CEP41: variants seen among roughly 807,000 people sequenced by gnomAD.
CEP41 encodes the protein centrosomal protein of 41 kDa.
A neutral mutation model predicts 44.3 loss-of-function variants in CEP41; 32 were observed. The ratio of observed to expected loss-of-function variants is 0.72; its 90% CI spans 0.54 to 0.97. CEP41 has a LOEUF of 0.97. Among genes scored for constraint, CEP41 ranks in the 50% least tolerant of loss-of-function variants. The probability of loss-of-function intolerance (pLI) is 0.00; values close to 1 mark genes in which losing one functional copy is unlikely to be tolerated. For missense variants in CEP41, 432 were observed against 455.2 expected (o/e 0.95, Z 0.46); for synonymous variants, 151 against 168.5 (o/e 0.90, Z 0.80).
chr7:130,397,010 GA>G lies in CEP41; in HGVS notation c.*1880del. 2.2e-6 allele frequency: 1 copy of G among 454,458 alleles called. No homozygotes were observed. The highest frequency in any genetic ancestry group is 1.6e-5 in the South Asian group (1 of 64,436). The allele number at this position is 454,458 out of a possible 1,614,324, so 28.2% of individuals were successfully genotyped here. ...AGTCACCTTTAAAACAGCATAACCA[GA>G]ACTTTCTTACAGAGAAAAATCTTTT... is the stretch of plus-strand genomic sequence containing the variant. On this transcript the variant is annotated 3_prime_UTR_variant, in exon 11 of 11. Transcript: ENST00000223208.
Position 130,402,688 on chromosome 7 carries a change from C to T in CEP41, c.534G>A (p.Val178=), listed in dbSNP as rs759283421. The T allele has an allele frequency of 2.4e-5, 39 of 1,614,106 alleles. No homozygotes were observed. The highest frequency in any genetic ancestry group is 3.1e-5 in the Non-Finnish European group (37 of 1,179,998). The change falls in exon 7 of 11, where the codon GTG becomes GTA. Residue 178 remains valine (V), a synonymous_variant. Coordinates refer to ENST00000223208, the MANE Select transcript of CEP41 (RefSeq NM_018718.3). Reference sequence around the variant, plus strand: ...ACTGCTGGTAAGAATCTCTATCACGCACATCTAGCAGCAGGAAGGGGCAGT... The same window carrying T: ...ACTGCTGGTAAGAATCTCTATCACGTACATCTAGCAGCAGGAAGGGGCAGT... ...YPDCPFLLLD[V]RDRDSYQQCH...
chr7:130,402,791 C>T lies in CEP41; in HGVS notation c.431G>A (p.Ser144Asn), dbSNP rs145850728. ...GTCTAGATCCAGTTCCCCAACACCA[C>T]TGATGACACTGCAAGTGAAAAAGTA... ...SSRSTLQSVI[S>N]GVGELDLDKG... The change falls in exon 7 of 11, where the codon AGT becomes AAT. Residue 144 changes from serine to asparagine, a missense_variant. Coordinates refer to ENST00000223208, the MANE Select transcript of CEP41 (RefSeq NM_018718.3). The T allele has an allele frequency of 6.2e-5, 100 of 1,614,144 alleles. No homozygotes were observed. In the African/African-American group the frequency reaches 1.2e-3, roughly 19 times the overall value.
In CEP41 at chr7:130,395,374, T is replaced by G. The variant is rs1334083497; in HGVS notation, c.*3517A>C. ...GCGGTGTTTCCTGGGGAAAAAAAAG[T>G]ATCGTGGGAGTTAAATCTTTGAAAG... On this transcript the variant is annotated 3_prime_UTR_variant, in exon 11 of 11. Transcript: ENST00000223208. The G allele has an allele frequency of 1.5e-5, 7 of 452,484 alleles. No individual in the cohort carries two copies. The highest frequency in any genetic ancestry group is 3.1e-5 in the Non-Finnish European group (7 of 226,378). 28.0% of individuals were successfully genotyped at this position (452,484 alleles called of 1,614,324 possible).
intron 8 of CEP41, 131 bp from the exon 9 acceptor site, chr7:130,400,952 C>T (rs1247053343): frequency 1.1e-5 from 8 of 699,110 alleles, no homozygotes; most frequent in Admixed American, 2.0e-5. Context: ...CCATTCCTAC[C>T]GTCACACCAG....
At chr7:130,405,191 T>C (rs1367148994) in intron 5 of CEP41, among the ~76,000 whole-genome samples, 3 of 152,178 alleles carry the variant, frequency 2.0e-5, no homozygotes, top group Non-Finnish European at 4.4e-5. Context: ...TTCTGTGTGA[T>C]GAGGTGAGGA....
At position 130,397,761 on chromosome 7, in the gene CEP41, A is replaced by G. The variant is rs1796712459; in HGVS notation, c.*1130T>C. 6.7e-6 allele frequency: 3 copies of G among 449,232 alleles called. No homozygotes were observed. Among genetic ancestry groups the G allele is most frequent in the South Asian group, 4.7e-5 (3 of 63,834 alleles). 27.8% of individuals were successfully genotyped at this position (449,232 alleles called of 1,614,324 possible). A position where few individuals can be genotyped will look rare whatever the true frequency, so the allele number is the denominator to read the frequency against. ...TTACCTGAGGCCTTTTGTTCCCCCA[A>G]TTAAATGGAATGAATGTCAGTCATT... On this transcript the variant is annotated 3_prime_UTR_variant, in exon 11 of 11. Transcript: ENST00000223208.
intron 10 of CEP41, 59 bp from the exon 11 acceptor site, chr7:130,399,098 C>G: frequency 6.3e-7 from 1 of 1,597,958 alleles, no homozygotes; most frequent in Non-Finnish European, 8.5e-7. Context: ...GACAATCTGC[C>G]AAGTACAGTT....
rs55776575 is a variant in CEP41 at position 130,397,506 on chromosome 7, ATTTTTTTTTTTTTT to A, written c.*1371_*1384del. 6.6e-5 allele frequency: 20 copies of A among 303,690 alleles called. No individual in the cohort carries two copies. Among genetic ancestry groups the A allele is most frequent in the East Asian group, 4.0e-4 (4 of 10,064 alleles). The allele number at this position is 303,690 out of a possible 1,614,324, so 18.8% of individuals were successfully genotyped here. ...CCCCATGCTAGAAATACTGTGGTGC[ATTTTTTTTTTTTTT>A]TTTTTTTTTTTTTGGTGGCGAGAAA... On this transcript the variant is annotated 3_prime_UTR_variant, in exon 11 of 11. Coordinates refer to ENST00000223208, the MANE Select transcript of CEP41 (RefSeq NM_018718.3).
rs1554415056 is a variant in CEP41, at chr7:130,397,227, T to C, written c.*1664A>G. The C allele has an allele frequency of 2.2e-6, 1 of 454,540 alleles. No homozygotes were observed. The highest frequency in any genetic ancestry group is 6.9e-5 in the East Asian group (1 of 14,394). The allele number at this position is 454,540 out of a possible 1,614,324, so 28.2% of individuals were successfully genotyped here. A position where few individuals can be genotyped will look rare whatever the true frequency, so the allele number is the denominator to read the frequency against. On this transcript the variant is annotated 3_prime_UTR_variant, in exon 11 of 11. Coordinates refer to ENST00000223208, the MANE Select transcript of CEP41 (RefSeq NM_018718.3). ...TTTATGGGGAAACATGACAGGCTCC[T>C]CATTAAAGCTATGTGTACGTTGGCT...
At chr7:130,440,466 G>A in intron 1 of CEP41, 1 of 285,404 alleles carries the variant, frequency 3.5e-6, no homozygotes, top group East Asian at 9.9e-5. Context: ...AAACTGAAGG[G>A]TCCTATGGAG....
At chr7:130,434,641 A>G (rs1797910959) in intron 1 of CEP41, among the ~76,000 whole-genome samples, 1 of 152,244 alleles carries the variant, frequency 6.6e-6, no homozygotes, top group Non-Finnish European at 1.5e-5. Flanking sequence ...GGACATATTT[A>G]TCAACATAGA....
In CEP41 at chr7:130,402,676, A is replaced by C. The variant is rs1554417268; in HGVS notation, c.546T>G (p.Asp182Glu). 3.7e-6 allele frequency: 6 copies of C among 1,614,010 alleles called. No individual in the cohort carries two copies. The highest frequency in any genetic ancestry group is 5.1e-6 in the Non-Finnish European group (6 of 1,180,008). ...CAACAATGTGGCACTGCTGGTAAGA[A>C]TCTCTATCACGCACATCTAGCAGCA... is the stretch of plus-strand genomic sequence containing the variant. The part of the protein sequence containing the change: ...PFLLLDVRDR[D>E]SYQQCHIVGA... The change falls in exon 7 of 11, where the codon GAT becomes GAG. Residue 182 changes from aspartate to glutamate, a missense_variant. Asp to Glu is a conservative substitution (Grantham distance 45). Coordinates refer to ENST00000223208, the MANE Select transcript of CEP41 (RefSeq NM_018718.3).
At position 130,398,525 on chromosome 7, in the gene CEP41, G is replaced by A. The variant is rs1182767616; in HGVS notation, c.*366C>T. ...AGGCACACGGGCAGATGTGACTGAA[G>A]TATTTACAAAACAACACAGAGAGAC... On this transcript the variant is annotated 3_prime_UTR_variant, in exon 11 of 11. Transcript: ENST00000223208. The A allele has an allele frequency of 4.3e-6, 2 of 461,398 alleles. No individual in the cohort carries two copies. The highest frequency in any genetic ancestry group is 4.0e-5 in the African/African-American group (2 of 50,220). The allele number at this position is 461,398 out of a possible 1,614,324, so 28.6% of individuals were successfully genotyped here. A position where few individuals can be genotyped will look rare whatever the true frequency, so the allele number is the denominator to read the frequency against.
rs1554414093 is a variant in CEP41, at chr7:130,395,391, C to G, written c.*3500G>C. ...AAAAAAAGTATCGTGGGAGTTAAAT[C>G]TTTGAAAGAATTGGGAAGAAAATAA... is the stretch of plus-strand genomic sequence containing the variant. On this transcript the variant is annotated 3_prime_UTR_variant, in exon 11 of 11. Transcript: ENST00000223208. The G allele has an allele frequency of 2.2e-6, 1 of 453,976 alleles. No homozygotes were observed. The highest frequency in any genetic ancestry group is 4.4e-6 in the Non-Finnish European group (1 of 226,778). The allele number at this position is 453,976 out of a possible 1,614,324, so 28.1% of individuals were successfully genotyped here.
At position 130,399,025 on chromosome 7, in the gene CEP41, C is replaced by G. The variant is rs368525533; in HGVS notation, c.988G>C (p.Ala330Pro). ...TTGGACTCTCTTCCGGAGGAGTTAG[C>G]TTGGTTCAGTCGGCCTGAAGGGAGC... ...PADHPSRLNQ[A>P]NSSGRESKVP... Residue 330 changes from alanine to proline, a missense_variant, in exon 11 of 11, where the codon GCT (alanine) becomes CCT (proline). Ala to Pro is a conservative substitution (Grantham distance 27). Coordinates refer to ENST00000223208, the MANE Select transcript of CEP41 (RefSeq NM_018718.3). 6.3e-5 allele frequency: 101 copies of G among 1,613,982 alleles called. No individual in the cohort carries two copies. Among genetic ancestry groups the G allele is most frequent in the Non-Finnish European group, 7.9e-5 (93 of 1,180,052 alleles).
intron 1 of CEP41, among the ~76,000 whole-genome samples, chr7:130,430,035 A>T (rs1797778108): frequency 6.6e-6 from 1 of 152,174 alleles, no homozygotes; most frequent in East Asian, 1.9e-4. Flanking sequence ...ACTACAGCAT[A>T]CTCTGTCAGG....
chr7:130,411,304 G>C, intron 4 of CEP41, 113 bp from the exon 5 acceptor site: 1 of 859,134 alleles, frequency 1.2e-6, no homozygotes. Flanking sequence ...GTTGTTTTAA[G>C]AAGCTGTCAG....
chr7:130,437,183 G>A (rs1554426312), intron 1 of CEP41, among the ~76,000 whole-genome samples: 2 of 151,934 alleles, frequency 1.3e-5, no homozygotes, highest in Non-Finnish European at 2.9e-5. Flanking sequence ...GAAAATCAGA[G>A]AACCAGTCAT....
intron 5 of CEP41, among the ~76,000 whole-genome samples, chr7:130,407,379 GT>G (rs1419853526): frequency 1.3e-5 from 2 of 151,054 alleles, no homozygotes; most frequent in Admixed American, 1.3e-4. Context: ...TGATGTGTTG[GT>G]TTTTGATATG....
Sources: allele counts gnomAD v4.1 joint callset (sites outside exome capture counted in the v4.1 genomes callset), GRCh38; gene constraint gnomAD v4.1.1; transcripts MANE v1.5; gene names NCBI Gene and HGNC (gene_info 2026-07-23, HGNC 2026-07-21).